The following WNK2 variants were observed in gnomAD, a reference collection of about 807,000 sequenced individuals.
The protein encoded by WNK2 is serine/threonine-protein kinase WNK2.
Under a neutral mutation model 192.1 loss-of-function variants are expected in WNK2, and 67 were observed. The ratio of observed to expected loss-of-function variants is 0.35; its 90% CI spans 0.29 to 0.43. The LOEUF is 0.43. Ranked by LOEUF, WNK2 falls within the 20% of genes least tolerant of loss-of-function variation. The pLI, the probability that WNK2 is intolerant of heterozygous loss-of-function variation, is 1.00. For synonymous variants in WNK2, 1,439 were observed against 1,393.9 expected, an observed-to-expected ratio of 1.03 and a Z score of -0.72; for missense variants, 2,698 against 3,089.7, an observed-to-expected ratio of 0.87 and a Z score of 3.01.
Position 93,257,074 on chromosome 9 carries a change from G to T in WNK2, c.2317G>T (p.Ala773Ser). ...TCCAGCCTCCCAGGTGGGGGCCCCC[G>T]CTCAGCTGAAGCCCCTCCAGATGCC... is the stretch of plus-strand genomic sequence containing the variant. ...LAPASQVGAP[A>S]QLKPLQMPQA... The change falls in exon 11 of 30, where the codon GCT becomes TCT. Residue 773 changes from alanine (A) to serine (S), a missense_variant. Coordinates refer to ENST00000427277, the MANE Select transcript of WNK2 (RefSeq NM_006648.4). This position sits in a 1 kb window ranked among gnomAD's most constrained non-coding sequence, Gnocchi z 4.7. The T allele has an allele frequency of 6.2e-7, 1 of 1,607,160 alleles. No individual in the cohort carries two copies.
intron 28 of WNK2, chr9:93,308,802 ACAGGCCAGGC>A (rs991242211): frequency 7.7e-6 from 11 of 1,420,562 alleles, no homozygotes; most frequent in African/African-American, 1.4e-5. Flanking sequence ...GGTGGAAAGG[ACAGGCCAGGC>A]CAGGCCAGGC....
intron 20 of WNK2, 101 bp downstream of exon 20, chr9:93,289,721 C>T (rs1258324704): frequency 4.1e-6 from 5 of 1,219,842 alleles, no homozygotes; most frequent in Admixed American, 5.9e-5. Flanking sequence ...GCAGAGCCGC[C>T]CTCACTCAGG....
chr9:93,275,633 G>C (rs920219376), intron 19 of WNK2, among the ~76,000 whole-genome samples: 5 of 152,176 alleles, frequency 3.3e-5, no homozygotes, highest in African/African-American at 1.2e-4. Flanking sequence ...AGAAGTGAAA[G>C]GCATGTGGAT....
chr9:93,220,495 G>T (rs1334136627), intron 2 of WNK2, among the ~76,000 whole-genome samples: 1 of 152,162 alleles, frequency 6.6e-6, no homozygotes, highest in Non-Finnish European at 1.5e-5. Flanking sequence ...GGGGGATGGG[G>T]CCCAGTGAGG....
chr9:93,237,158 A>G (rs557644527), intron 5 of WNK2, among the ~76,000 whole-genome samples: 34 of 152,258 alleles, frequency 2.2e-4, no homozygotes, highest in South Asian at 8.3e-4. Flanking sequence ...GTTTCACAGA[A>G]TTCTTCAATT....
At chr9:93,282,710 A>C (rs1462163716) in intron 19 of WNK2, among the ~76,000 whole-genome samples, 1 of 152,228 alleles carries the variant, frequency 6.6e-6, no homozygotes, top group Non-Finnish European at 1.5e-5. Context: ...TAACACAACT[A>C]AAACAAATGG....
intron 19 of WNK2, among the ~76,000 whole-genome samples, chr9:93,284,015 T>A (rs1848091834): frequency 6.6e-6 from 1 of 152,162 alleles, no homozygotes; most frequent in South Asian, 2.1e-4. Context: ...GAGAAAGAAA[T>A]CAGGCACATA....
At chr9:93,186,204 C>T (rs1288805719) in intron 2 of WNK2, among the ~76,000 whole-genome samples, 1 of 152,170 alleles carries the variant, frequency 6.6e-6, no homozygotes, top group Admixed American at 6.5e-5. Context: ...TGGGCAAGGC[C>T]TGGAAGTGTG....
chr9:93,225,642 C>T (rs889488287), intron 2 of WNK2, among the ~76,000 whole-genome samples: 1 of 152,204 alleles, frequency 6.6e-6, no homozygotes, highest in Admixed American at 6.5e-5. Flanking sequence ...AGAACGTGAA[C>T]ATTTTGCTCT....
intron 2 of WNK2, among the ~76,000 whole-genome samples, chr9:93,194,473 A>G (rs1003962312): frequency 2.0e-5 from 3 of 152,220 alleles, no homozygotes; most frequent in African/African-American, 4.8e-5. Context: ...TGCCCATCGT[A>G]AGTCATCAGG....
intron 14 of WNK2, 113 bp downstream of exon 14, chr9:93,262,832 GAT>G: frequency 8.3e-7 from 1 of 1,205,724 alleles, no homozygotes; most frequent in South Asian, 1.3e-5. Context: ...AGTTTGCCCT[GAT>G]GCCATTAGGG....
At chr9:93,205,535 C>T (rs1261435929) in intron 2 of WNK2, among the ~76,000 whole-genome samples, 1 of 152,194 alleles carries the variant, frequency 6.6e-6, no homozygotes, top group Non-Finnish European at 1.5e-5. Context: ...GCACCCTGTG[C>T]CTGGCCCCCA....
chr9:93,254,970 C>T (rs532259392), intron 9 of WNK2, among the ~76,000 whole-genome samples: 1 of 152,316 alleles, frequency 6.6e-6, no homozygotes, highest in South Asian at 2.1e-4. Flanking sequence ...ACATGAGGCA[C>T]TCCTGGCCTG....
At chr9:93,299,961 CTGGTGTGGCTGT>C in intron 25 of WNK2, 78 bp from the exon 26 acceptor site, 1 of 1,029,798 alleles carries the variant, frequency 9.7e-7, no homozygotes. Flanking sequence ...AGTGACGAGG[CTGGTGTGGCTGT>C]TGGTGTGGAG....
chr9:93,306,933 G>A, intron 27 of WNK2, 112 bp downstream of exon 27: 1 of 1,348,022 alleles, frequency 7.4e-7, no homozygotes, highest in Non-Finnish European at 1.1e-6. Context: ...CCCTGTGCCT[G>A]CCCCGCGCCT....
At chr9:93,248,330 G>T (rs1842075682) in intron 8 of WNK2, among the ~76,000 whole-genome samples, 1 of 152,254 alleles carries the variant, frequency 6.6e-6, no homozygotes, top group East Asian at 1.9e-4. Context: ...GGAGATTAAG[G>T]CTCAATGAAG....
At chr9:93,279,637 A>G (rs546704425) in intron 19 of WNK2, among the ~76,000 whole-genome samples, 1 of 152,368 alleles carries the variant, frequency 6.6e-6, no homozygotes, top group East Asian at 1.9e-4. Flanking sequence ...TCAGAGAACT[A>G]ACAATACCAG....
At chr9:93,274,824 G>T (rs1025368190) in intron 19 of WNK2, among the ~76,000 whole-genome samples, 2 of 152,148 alleles carry the variant, frequency 1.3e-5, no homozygotes, top group Non-Finnish European at 2.9e-5. Flanking sequence ...AGTTGCACTG[G>T]TGAACTCTGC....
chr9:93,262,203 G>A, intron 13 of WNK2, 96 bp downstream of exon 13: 11 of 1,425,884 alleles, frequency 7.7e-6, no homozygotes, highest in Non-Finnish European at 1.0e-5. Context: ...AGAGGTCGGG[G>A]TTGCTTAGCT....
Sources: allele counts gnomAD v4.1 joint callset (sites outside exome capture counted in the v4.1 genomes callset), GRCh38; gene constraint gnomAD v4.1.1; non-coding constraint Gnocchi (gnomAD v3.1); transcripts MANE v1.5; gene names NCBI Gene and HGNC (gene_info 2026-07-23, HGNC 2026-07-21).